SELENOW: variants seen among roughly 807,000 people sequenced by gnomAD.
SELENOW encodes the protein selenoprotein W, 1.
SELENOW carries 20 observed loss-of-function variants against 16.6 expected under a neutral mutation model. The observed-to-expected ratio is 1.21, with a 90% CI of 0.85 to 1.76. The LOEUF is 1.76. SELENOW is among the 40% of genes most tolerant of loss of function. The pLI, the probability that SELENOW is intolerant of heterozygous loss-of-function variation, is 0.00. For synonymous variants in SELENOW, 44 were observed against 46.2 expected (o/e 0.95, Z 0.19); for missense variants, 124 against 111.0 (o/e 1.12, Z -0.53).
chr19:47,778,709 G>T lies in SELENOW; in HGVS notation c.-77G>T. 2 of 1,502,900 alleles carry T rather than the reference G, an allele frequency of 1.3e-6. No individual in the cohort carries two copies. Among genetic ancestry groups the T allele is most frequent in the Admixed American group, 2.1e-5 (1 of 47,700 alleles). The allele number at this position is 1,502,900 out of a possible 1,614,324, so 93.1% of individuals were successfully genotyped here. On this transcript the variant is annotated 5_prime_UTR_variant, in exon 1 of 6. Transcript: ENST00000601048. Reference sequence around the variant, plus strand: ...CTGCGCAGGTTCCCGCCGCACTCGCGCAGACCTAGCGCGTCCAGGTGGGAG... The same window carrying T: ...CTGCGCAGGTTCCCGCCGCACTCGCTCAGACCTAGCGCGTCCAGGTGGGAG...
At chr19:47,781,070 T>G in intron 3 of SELENOW, 38 bp from the exon 4 acceptor site, 4 of 1,591,948 alleles carry the variant, frequency 2.5e-6, no homozygotes, top group Non-Finnish European at 3.4e-6. Flanking sequence ...AGAGGACATC[T>G]TAGCCCCTCC....
At chr19:47,781,706 T>C (rs1215749391) in intron 5 of SELENOW, 1 of 427,764 alleles carries the variant, frequency 2.3e-6, no homozygotes, top group African/African-American at 2.2e-5. Context: ...GAGATGGTGA[T>C]GGGTCAAAGG....
chr19:47,782,359 G>C (rs1967486307), intron 5 of SELENOW: 1 of 152,136 alleles, frequency 6.6e-6, no homozygotes, highest in Non-Finnish European at 1.5e-5. Context: ...AAACCCTAGA[G>C]CTGACTCCCA....
rs1156814774 is a variant in SELENOW at position 47,784,417 on chromosome 19, C to T, written c.*146C>T. On this transcript the variant is annotated 3_prime_UTR_variant, in exon 6 of 6. Coordinates refer to ENST00000601048, the MANE Select transcript of SELENOW (RefSeq NM_003009.4). ...TGTTGGGGGCAGAGATTGACGCCCCCGGTCTTTGCCTCTGAGCGGGAGAGT... is the reference window on the plus strand; with the variant it reads ...TGTTGGGGGCAGAGATTGACGCCCCTGGTCTTTGCCTCTGAGCGGGAGAGT... 6.6e-6 allele frequency: 1 copy of T among 152,612 alleles called. No individual in the cohort carries two copies. Among genetic ancestry groups the T allele is most frequent in the East Asian group, 1.9e-4 (1 of 5,178 alleles). 9.5% of individuals were successfully genotyped at this position (152,612 alleles called of 1,614,324 possible).
In SELENOW at chr19:47,781,212, T is replaced by C. The variant is rs376318526; in HGVS notation, c.183+30T>C. The C allele has an allele frequency of 2.3e-3, 3,755 of 1,610,834 alleles. 14 individuals are homozygous for C. Among genetic ancestry groups the C allele is most frequent in the Non-Finnish European group, 2.4e-3 (2,817 of 1,177,062 alleles). The stretch of plus-strand genomic sequence containing the variant: ...GTCTGTCTGTCCGTCCTGCCTGGTT[T>C]TGGGGCTAGCATGGGGTTGGGGCTG... On this transcript the variant is annotated intron_variant, in intron 4 of 5. Coordinates refer to ENST00000601048, the MANE Select transcript of SELENOW (RefSeq NM_003009.4).
At chr19:47,780,682 C>T (rs1275361215) in intron 1 of SELENOW, 43 bp from the exon 2 acceptor site, 4 of 1,544,156 alleles carry the variant, frequency 2.6e-6, no homozygotes, top group African/African-American at 1.4e-5. Flanking sequence ...CCCCACTTCT[C>T]CCTCTCTCCC....
chr19:47,779,169 T>G, intron 1 of SELENOW: 1 of 265,174 alleles, frequency 3.8e-6, no homozygotes, highest in Non-Finnish European at 7.2e-6. Flanking sequence ...CCTCCCCCAA[T>G]ATCCCGAACA....
chr19:47,780,041 T>C (rs1967454062), intron 1 of SELENOW: 1 of 422,068 alleles, frequency 2.4e-6, no homozygotes, highest in Non-Finnish European at 4.8e-6. Flanking sequence ...CAGATTCCAG[T>C]CCCGAAATAG....
intron 5 of SELENOW, chr19:47,783,603 TC>T (rs1172818535): frequency 1.3e-5 from 2 of 152,198 alleles, no homozygotes; most frequent in Non-Finnish European, 2.9e-5. Flanking sequence ...AAGTACCAGC[TC>T]CCAGTGTGCC....
chr19:47,778,711 A>G lies in SELENOW; in HGVS notation c.-75A>G. 6.6e-7 allele frequency: 1 copy of G among 1,508,010 alleles called. No individual in the cohort carries two copies. The highest frequency in any genetic ancestry group is 9.0e-7 in the Non-Finnish European group (1 of 1,115,318). 93.4% of individuals were successfully genotyped at this position (1,508,010 alleles called of 1,614,324 possible). On this transcript the variant is annotated 5_prime_UTR_variant, in exon 1 of 6. Coordinates refer to ENST00000601048, the MANE Select transcript of SELENOW (RefSeq NM_003009.4). Reference sequence around the variant, plus strand: ...GCGCAGGTTCCCGCCGCACTCGCGCAGACCTAGCGCGTCCAGGTGGGAGGT... The same window carrying G: ...GCGCAGGTTCCCGCCGCACTCGCGCGGACCTAGCGCGTCCAGGTGGGAGGT...
chr19:47,778,888 C>T (rs1161508250), intron 1 of SELENOW, 74 bp downstream of exon 1: 21 of 1,477,816 alleles, frequency 1.4e-5, no homozygotes, highest in Non-Finnish European at 1.9e-5. Context: ...GGTCAGGGAG[C>T]CCCGGGGAGA....
intron 4 of SELENOW, 22 bp downstream of exon 4, chr19:47,781,204 G>A (rs1429508352): frequency 2.5e-6 from 4 of 1,612,336 alleles, no homozygotes; most frequent in Non-Finnish European, 2.5e-6. Flanking sequence ...TGTCCGTCCT[G>A]CCTGGTTTTG....
intron 3 of SELENOW, 95 bp from the exon 4 acceptor site, chr19:47,781,013 C>A: frequency 1.9e-6 from 3 of 1,548,446 alleles, no homozygotes; most frequent in Non-Finnish European, 2.7e-6. Context: ...CAGCCCTACG[C>A]CCTTCACCCA....
At chr19:47,780,809 T>C in intron 2 of SELENOW, 55 bp from the exon 3 acceptor site, 4 of 1,601,874 alleles carry the variant, frequency 2.5e-6, no homozygotes, top group East Asian at 2.2e-5. Flanking sequence ...AGAGTGCATA[T>C]TGGGAGGGGG....
chr19:47,781,109 G>C lies in SELENOW; in HGVS notation c.110G>C (p.Cys37Ser), dbSNP rs115702391. 4 of 1,613,558 alleles carry C rather than the reference G, an allele frequency of 2.5e-6. No homozygotes were observed. The highest frequency in any genetic ancestry group is 3.4e-6 in the Non-Finnish European group (4 of 1,179,626). ...ATCTCCCCTACCCCCTTTCCTCAGT[G>C]CGGCGAGGGAACTCCCCAGGCCACC... ...EDEFPGRLDI[C>S]GEGTPQATGF... Residue 37 changes from cysteine to serine, a missense_variant and splice_region_variant, in exon 4 of 6, where the codon TGC (cysteine) becomes TCC (serine). By Grantham distance (112) the Cys-to-Ser change is moderately radical. Transcript: ENST00000601048.
Position 47,781,377 on chromosome 19 carries a change from C to T in SELENOW, c.*7C>T, listed in dbSNP as rs753584342. On this transcript the variant is annotated 3_prime_UTR_variant, in exon 5 of 6. Coordinates refer to ENST00000601048, the MANE Select transcript of SELENOW (RefSeq NM_003009.4). ...CGCCTTGGCTCAGGGCTAATGCGCCCTGAAGGCAGAGGTGAGGGGGCCCAC... is the reference window on the plus strand; with the variant it reads ...CGCCTTGGCTCAGGGCTAATGCGCCTTGAAGGCAGAGGTGAGGGGGCCCAC... The T allele has an allele frequency of 7.6e-6, 12 of 1,571,142 alleles. No individual in the cohort carries two copies. The South Asian group carries it at 1.3e-4, about 16-fold the overall frequency.
rs776989225 is a variant in SELENOW, at chr19:47,781,227, G to T, written c.183+45G>T. ...CTGCCTGGTTTTGGGGCTAGCATGG[G>T]GTTGGGGCTGAGGTTGGTGTCTCGG... is the stretch of plus-strand genomic sequence containing the variant. On this transcript the variant is annotated intron_variant, in intron 4 of 5. Coordinates refer to ENST00000601048, the MANE Select transcript of SELENOW (RefSeq NM_003009.4). 4 of 1,604,832 alleles carry T rather than the reference G, an allele frequency of 2.5e-6. No homozygotes were observed. In the South Asian group the frequency reaches 3.3e-5, roughly 13 times the overall value.
At position 47,781,266 on chromosome 19, in the gene SELENOW, C is replaced by G. The variant is rs763404214; in HGVS notation, c.184-24C>G. On this transcript the variant is annotated intron_variant, in intron 4 of 5. Transcript: ENST00000601048. ...TTGGTGTCTCGGTCCCAGCTCACCC[C>G]TTCCCTCTTCCTCCCCTCCCTAGAA... 2.0e-5 allele frequency: 32 copies of G among 1,608,170 alleles called. 1 individual carries two copies. In the East Asian group the frequency reaches 4.0e-4, roughly 20 times the overall value.
rs563570784 is a variant in SELENOW, at chr19:47,781,532, C to T, written c.*18+144C>T. On this transcript the variant is annotated intron_variant, in intron 5 of 5. Coordinates refer to ENST00000601048, the MANE Select transcript of SELENOW (RefSeq NM_003009.4). Reference sequence around the variant, plus strand: ...AGAGCGAGCGGGATAAAGTTAGACCCGGTTGGTGGAGGACAACAACTGAGA... The same window carrying T: ...AGAGCGAGCGGGATAAAGTTAGACCTGGTTGGTGGAGGACAACAACTGAGA... The T allele has an allele frequency of 1.3e-4, 82 of 619,882 alleles. 1 individual carries two copies. The highest frequency in any genetic ancestry group is 4.8e-4 in the African/African-American group (26 of 54,730). The allele number at this position is 619,882 out of a possible 1,614,324, so 38.4% of individuals were successfully genotyped here.
Sources: allele counts gnomAD v4.1 joint callset, GRCh38; gene constraint gnomAD v4.1.1; transcripts MANE v1.5; gene names NCBI Gene and HGNC (gene_info 2026-07-23, HGNC 2026-07-21).